Variants in UVSSA observed in about 807,000 individuals in gnomAD.
UVSSA encodes UV-stimulated scaffold protein A.
A neutral mutation model predicts 73.9 loss-of-function variants in UVSSA; 72 were observed. That is an observed-to-expected ratio of 0.97 (90% CI 0.81 to 1.19). The LOEUF (loss-of-function observed/expected upper bound fraction) is 1.19. UVSSA is among the 50% of genes most tolerant of loss of function. The probability of loss-of-function intolerance (pLI) is 0.00; values close to 1 mark genes in which losing one functional copy is unlikely to be tolerated. For synonymous variants in UVSSA, 454 were observed against 391.3 expected, an observed-to-expected ratio of 1.16 and a Z score of -1.89; for missense variants, 1,150 against 965.0, an observed-to-expected ratio of 1.19 and a Z score of -2.54.
chr4:1,378,634 C>T (rs1719062092), intron 10 of UVSSA, among the ~76,000 whole-genome samples: 1 of 152,152 alleles, frequency 6.6e-6, no homozygotes, highest in South Asian at 2.1e-4. Flanking sequence ...CGGTGGAGCC[C>T]GTGGTGTGGC....
chr4:1,349,470 C>T (rs1247652928), intron 2 of UVSSA, 54 bp from the exon 3 acceptor site: 3 of 1,553,950 alleles, frequency 1.9e-6, no homozygotes, highest in Admixed American at 1.7e-5. Context: ...AGAGTCTCCC[C>T]CCGCCCATCC....
intron 10 of UVSSA, among the ~76,000 whole-genome samples, chr4:1,376,496 C>CTTCA (rs1718787233): frequency 6.6e-6 from 1 of 152,234 alleles, no homozygotes; most frequent in Non-Finnish European, 1.5e-5. Context: ...GTTTGTCCTG[C>CTTCA]TTCAGGACTG....
intron 7 of UVSSA, among the ~76,000 whole-genome samples, chr4:1,363,971 G>A (rs879653773): frequency 2.5e-4 from 38 of 151,788 alleles, no homozygotes; most frequent in Admixed American, 4.6e-4. Flanking sequence ...GCTGGTGCCC[G>A]GGCCCCGTGG....
rs1398290190 is a variant in UVSSA at position 1,348,101 on chromosome 4, A to C, written c.10A>C (p.Lys4Gln). The C allele has an allele frequency of 6.2e-7, 1 of 1,613,576 alleles. No homozygotes were observed. Among genetic ancestry groups the C allele is most frequent in the East Asian group, 2.2e-5 (1 of 44,888 alleles). The change falls in exon 2 of 14, where the codon AAA (lysine) becomes CAA (glutamine). Residue 4 changes from lysine to glutamine, a missense_variant. Coordinates refer to ENST00000389851, the MANE Select transcript of UVSSA (RefSeq NM_020894.4). MDQ[K>Q]LSKLVEELTT... ...TTACTTATTTCTAGATATGGATCAG[A>C]AACTTTCGAAGTTGGTAGAAGAGCT...
At chr4:1,382,960 T>C (rs968622716) in intron 12 of UVSSA, among the ~76,000 whole-genome samples, 3 of 152,160 alleles carry the variant, frequency 2.0e-5, no homozygotes, top group African/African-American at 7.2e-5. Flanking sequence ...AGGGGTGGCC[T>C]TCCCGAGCCC....
chr4:1,354,605 G>C (rs938467224), intron 5 of UVSSA, 130 bp from the exon 6 acceptor site: 2 of 707,372 alleles, frequency 2.8e-6, no homozygotes, highest in Non-Finnish European at 4.9e-6. Flanking sequence ...TGGGATTCCC[G>C]GGGGCAGGCA....
At chr4:1,355,318 G>C in intron 7 of UVSSA, 73 bp downstream of exon 7, 1 of 1,454,334 alleles carries the variant, frequency 6.9e-7, no homozygotes, top group Non-Finnish European at 9.4e-7. Context: ...TGGGGGGGTT[G>C]TGCCCTGGGC....
rs1720067475 is a variant in UVSSA, at chr4:1,385,915, A to G, written c.2084A>G (p.Lys695Arg). The G allele has an allele frequency of 1.9e-6, 3 of 1,614,110 alleles. No homozygotes were observed. The highest frequency in any genetic ancestry group is 1.7e-6 in the Non-Finnish European group (2 of 1,180,028). ...VVAAMNRMDQ[K>R]KHEKFSNQFN... ...GCAGCCATGAACCGGATGGACCAGA[A>G]GAAGCACGAGAAGTTTTCAAACCAG... The change falls in exon 14 of 14, where the codon AAG becomes AGG. Residue 695 changes from lysine (K) to arginine (R), a missense_variant. Physicochemically the swap from Lys to Arg is conservative, Grantham distance 26. Coordinates refer to ENST00000389851, the MANE Select transcript of UVSSA (RefSeq NM_020894.4).
chr4:1,374,970 A>G lies in UVSSA; in HGVS notation c.1289-394A>G, dbSNP rs1013957926. On this transcript the variant is annotated intron_variant, in intron 8 of 13. Transcript: ENST00000389851. ...CTGGGGAGGGCTCCAGGCTGCCTAC[A>G]TCTCACCACCGGAGCCTGAGCTGCC... The G allele has an allele frequency of 8.2e-5, 18 of 219,672 alleles. No individual in the cohort carries two copies. In the East Asian group the frequency reaches 1.6e-3, roughly 20 times the overall value. The allele number at this position is 219,672 out of a possible 1,614,324, so 13.6% of individuals were successfully genotyped here.
intron 7 of UVSSA, among the ~76,000 whole-genome samples, chr4:1,364,503 T>G (rs1280832605): frequency 6.6e-6 from 1 of 152,198 alleles, no homozygotes. Context: ...CCTTCCTCCC[T>G]TCAGGAAACA....
At chr4:1,362,828 C>T (rs192468273) in intron 7 of UVSSA, among the ~76,000 whole-genome samples, 14 of 152,272 alleles carry the variant, frequency 9.2e-5, no homozygotes, top group Non-Finnish European at 1.8e-4. Context: ...TTCGAGGCCT[C>T]GGGGAGCTCT....
chr4:1,381,395 A>T (rs1577377863), intron 12 of UVSSA, among the ~76,000 whole-genome samples: 1 of 152,124 alleles, frequency 6.6e-6, no homozygotes, highest in Admixed American at 6.5e-5. Context: ...CATACCCCGC[A>T]CCTGCCTCAG....
chr4:1,380,645 T>C lies in UVSSA; in HGVS notation c.1753-235T>C, dbSNP rs13353816. The C allele has an allele frequency of 7.7e-3, 11,733 of 1,524,758 alleles. 769 individuals carry two copies. In the African/African-American group the frequency reaches 0.14, roughly 19 times the overall value. 94.5% of individuals were successfully genotyped at this position (1,524,758 alleles called of 1,614,324 possible). ...TGCTGGATGAGGGAGGCCTAGACTT[T>C]CCACAGCTGCCCAAGACCTTCCGGC... On this transcript the variant is annotated intron_variant, in intron 11 of 13. Transcript: ENST00000389851.
At chr4:1,395,540 C>T (rs750959612) in exon 14 of UVSSA, 6 of 1,601,484 alleles carry the variant, frequency 3.7e-6, no homozygotes, top group Admixed American at 1.7e-5. Context: ...TGCCCGCCTG[C>T]TCACACGTGC....
chr4:1,378,785 C>T (rs1217290334), intron 10 of UVSSA, among the ~76,000 whole-genome samples: 1 of 152,202 alleles, frequency 6.6e-6, no homozygotes, highest in African/African-American at 2.4e-5. Context: ...GGTCAGGCAC[C>T]CTCGGGGGAG....
intron 4 of UVSSA, 82 bp downstream of exon 4, chr4:1,351,917 C>CCCCAGCCGCAAGGAA: frequency 6.4e-7 from 1 of 1,559,498 alleles, no homozygotes; most frequent in Non-Finnish European, 8.7e-7. Context: ...GGTCCCAGGG[C>CCCCAGCCGCAAGGAA]CCCAGCCGCA....
In UVSSA at chr4:1,387,809, T is replaced by C. The variant is rs890452012; in HGVS notation, c.*1848T>C. On this transcript the variant is annotated 3_prime_UTR_variant, in exon 14 of 14. Coordinates refer to ENST00000389851, the MANE Select transcript of UVSSA (RefSeq NM_020894.4). ...TATTCCATTGACCTGTTTAACCTTA[T>C]GCCAGTGCCACAGTGCCTTGATCAG... 7 of 152,252 alleles carry C rather than the reference T, an allele frequency of 4.6e-5. No individual in the cohort carries two copies. Among genetic ancestry groups the C allele is most frequent in the Admixed American group, 2.0e-4 (3 of 15,282 alleles). 9.4% of individuals were successfully genotyped at this position (152,252 alleles called of 1,614,324 possible).
chr4:1,369,137 T>C (rs1717709245), intron 8 of UVSSA, among the ~76,000 whole-genome samples: 1 of 150,416 alleles, frequency 6.6e-6, no homozygotes, highest in African/African-American at 2.5e-5. Context: ...TCTGCCGTTC[T>C]GCCGTCAGCC....
At chr4:1,346,498 G>A (rs1000891114), upstream of UVSSA, among the ~76,000 whole-genome samples, 1 of 152,218 alleles carries the variant, frequency 6.6e-6, no homozygotes, top group Non-Finnish European at 1.5e-5. Flanking sequence ...CAGGACGGAC[G>A]GCGCCTCTGC....
Sources: gnomAD v4.1 joint callset for allele counts (sites outside exome capture counted in the v4.1 genomes callset) on GRCh38, gnomAD v4.1.1 for gene constraint, MANE v1.5 for transcripts, NCBI Gene and HGNC (gene_info 2026-07-23, HGNC 2026-07-21) for gene names.